The following RTN1 variants were observed in gnomAD, a reference collection of about 807,000 sequenced individuals.
RTN1 encodes the protein reticulon 1, also known as reticulon-1.
A neutral mutation model predicts 65.5 loss-of-function variants in RTN1; 25 were observed. The ratio of observed to expected loss-of-function variants is 0.38; its 90% CI spans 0.28 to 0.53. The LOEUF is 0.53. Ranked by LOEUF, RTN1 falls within the 20% of genes least tolerant of loss-of-function variation. The pLI is 0.79. For synonymous variants in RTN1, 471 were observed against 447.6 expected (o/e 1.05, Z -0.66); for missense variants, 983 against 1,025.4 (o/e 0.96, Z 0.57).
At chr14:59,828,468 A>G (rs1039371779) in intron 1 of RTN1, among the ~76,000 whole-genome samples, 1 of 152,194 alleles carries the variant, frequency 6.6e-6, no homozygotes, top group Non-Finnish European at 1.5e-5. Context: ...TAGAGTACAG[A>G]GGGAAGACTG....
chr14:59,807,924 C>A (rs990127752), intron 1 of RTN1, among the ~76,000 whole-genome samples: 2 of 152,066 alleles, frequency 1.3e-5, no homozygotes, highest in African/African-American at 2.4e-5. Flanking sequence ...CTCTAAAGTA[C>A]AAAATATACA....
rs775887955 is a variant in RTN1 at position 59,621,858 on chromosome 14, ATATTT to A, written c.1766-14371_1766-14367del. Among the ~76,000 whole-genome samples, 122 of 152,380 alleles carry A rather than the reference ATATTT, an allele frequency of 8.0e-4. 2 individuals are homozygous for A. Among genetic ancestry groups the A allele is most frequent in the Admixed American group, 1.4e-3 (22 of 15,304 alleles). On this transcript the variant is annotated intron_variant, in intron 3 of 8. Coordinates refer to ENST00000267484, the MANE Select transcript of RTN1 (RefSeq NM_021136.3). ...GAAAAGACAAGTAGTGCAGCTATTT[ATATTT>A]TATTTATAAGGTAAAATGTGACATA...
intron 1 of RTN1, among the ~76,000 whole-genome samples, chr14:59,815,553 A>G (rs950872306): frequency 6.6e-6 from 1 of 152,014 alleles, no homozygotes; most frequent in Non-Finnish European, 1.5e-5. Context: ...CTCAACTCCT[A>G]CTTTCTCAGT....
At chr14:59,708,211 G>A (rs1031356956) in intron 3 of RTN1, among the ~76,000 whole-genome samples, 5 of 152,212 alleles carry the variant, frequency 3.3e-5, no homozygotes, top group Non-Finnish European at 7.3e-5. Context: ...CAGAATAGGA[G>A]GTGGGGGGAA....
chr14:59,756,193 T>C (rs1180869587), intron 1 of RTN1, among the ~76,000 whole-genome samples: 1 of 152,200 alleles, frequency 6.6e-6, no homozygotes, highest in Non-Finnish European at 1.5e-5. Flanking sequence ...GTGAAAGTTC[T>C]GATGAGCTTG....
At chr14:59,750,412 G>C (rs191107375) in intron 1 of RTN1, among the ~76,000 whole-genome samples, 15,464 of 34,776 alleles carry the variant, frequency 0.44, 3,673 homozygotes, top group African/African-American at 0.66. Flanking sequence ...TATATTATAT[G>C]TATAATATAT....
chr14:59,858,713 A>G (rs1425538561), intron 1 of RTN1, among the ~76,000 whole-genome samples: 1 of 152,194 alleles, frequency 6.6e-6, no homozygotes, highest in African/African-American at 2.4e-5. Flanking sequence ...AACCCAGGAA[A>G]CATAGTTTTC....
intron 3 of RTN1, among the ~76,000 whole-genome samples, chr14:59,670,735 A>T (rs148388025): frequency 6.6e-6 from 1 of 152,338 alleles, no homozygotes; most frequent in Non-Finnish European, 1.5e-5. Context: ...AACAGGCTAA[A>T]TAAGTGTTAA....
chr14:59,761,689 T>A (rs1252359481), intron 1 of RTN1, among the ~76,000 whole-genome samples: 1 of 152,130 alleles, frequency 6.6e-6, no homozygotes, highest in African/African-American at 2.4e-5. Flanking sequence ...CTCAACAGAA[T>A]CTGTTTTATT....
intron 3 of RTN1, among the ~76,000 whole-genome samples, chr14:59,652,793 C>A (rs890939674): frequency 1.5e-4 from 23 of 151,794 alleles, no homozygotes; most frequent in African/African-American, 5.3e-4. Context: ...TGCACATGTA[C>A]CCCCTGAATC....
At chr14:59,606,119 T>TATATATATATATATATATATAA (rs1566658086) in intron 4 of RTN1, 1 of 88,086 alleles carries the variant, frequency 1.1e-5, no homozygotes, top group African/African-American at 4.5e-5. Flanking sequence ...TATATATATA[T>TATATATATATATATATATATAA]ATATATATCA....
At chr14:59,719,780 T>C (rs2350136) in intron 3 of RTN1, among the ~76,000 whole-genome samples, 60,627 of 152,072 alleles carry the variant, frequency 0.4, 12,492 homozygotes, top group Admixed American at 0.5. Flanking sequence ...CTTGACCTCA[T>C]GTTGCCTCTG....
Position 59,727,253 on chromosome 14 carries a change from C to G in RTN1, c.1431G>C (p.Ser477=), listed in dbSNP as rs749323546. ...IIESCDASSA[S]EESPKREQDS... ...CCTGCTCCCGCTTGGGGCTCTCCTC[C>G]GAGGCCGAGGAGGCGTCGCACGACT... Residue 477 remains serine (S), a synonymous_variant, in exon 3 of 9, where the codon TCG becomes TCC. Coordinates refer to ENST00000267484, the MANE Select transcript of RTN1 (RefSeq NM_021136.3). The surrounding 1 kb of genome is among the most constrained non-coding windows in gnomAD (Gnocchi z 4.2). 2 of 1,527,634 alleles carry G rather than the reference C, an allele frequency of 1.3e-6. No homozygotes were observed. The highest frequency in any genetic ancestry group is 2.5e-5 in the South Asian group (2 of 79,590). The allele number at this position is 1,527,634 out of a possible 1,614,324, so 94.6% of individuals were successfully genotyped here.
At chr14:59,687,681 A>G (rs1415892115) in intron 3 of RTN1, among the ~76,000 whole-genome samples, 1 of 149,386 alleles carries the variant, frequency 6.7e-6, no homozygotes, top group Non-Finnish European at 1.5e-5. Context: ...TTCACATCCA[A>G]GCAGATCTCC....
chr14:59,637,162 A>T (rs1882682978), intron 3 of RTN1, among the ~76,000 whole-genome samples: 1 of 152,190 alleles, frequency 6.6e-6, no homozygotes, highest in Middle Eastern at 3.2e-3. Flanking sequence ...AACTAAGTTT[A>T]TGTAATATTC....
chr14:59,693,941 G>A (rs1328195140), intron 3 of RTN1, among the ~76,000 whole-genome samples: 1 of 152,242 alleles, frequency 6.6e-6, no homozygotes. Context: ...CTCCACGGCA[G>A]CACATCTGAA....
At chr14:59,630,535 T>G in intron 3 of RTN1, 3 of 1,612,604 alleles carry the variant, frequency 1.9e-6, no homozygotes, top group Non-Finnish European at 2.5e-6. Context: ...TCGCCGTGGC[T>G]CTCCTCGGGG....
intron 1 of RTN1, among the ~76,000 whole-genome samples, chr14:59,756,730 A>G (rs1885643977): frequency 6.6e-6 from 1 of 152,094 alleles, no homozygotes; most frequent in Non-Finnish European, 1.5e-5. Flanking sequence ...TAGCAAAAAA[A>G]TGTGTACTAT....
chr14:59,745,003 C>T lies in RTN1; in HGVS notation c.1015+705G>A, dbSNP rs149358228. On this transcript the variant is annotated intron_variant, in intron 2 of 8. Coordinates refer to ENST00000267484, the MANE Select transcript of RTN1 (RefSeq NM_021136.3). The stretch of plus-strand genomic sequence containing the variant: ...TATTGAACGATGAAGGCTCTGCCTT[C>T]ATGAGTGGATTATCCCACTCATGGA... Among the ~76,000 whole-genome samples the T allele has an allele frequency of 9.8e-5, 15 of 152,290 alleles. No homozygotes were observed. The East Asian group carries it at 2.9e-3, about 29-fold the overall frequency.
Sources: allele counts gnomAD v4.1 joint callset (sites outside exome capture counted in the v4.1 genomes callset), GRCh38; gene constraint gnomAD v4.1.1; non-coding constraint Gnocchi (gnomAD v3.1); transcripts MANE v1.5; gene names NCBI Gene and HGNC (gene_info 2026-07-23, HGNC 2026-07-21).